Variants in TAF3 observed in about 807,000 individuals in gnomAD.
TAF3 encodes TATA-box binding protein associated factor 3.
TAF3 carries 7 observed loss-of-function variants against 80.6 expected under a neutral mutation model. The observed-to-expected ratio is 0.09, with a 90% CI of 0.05 to 0.16. The LOEUF is 0.16. Among genes scored for constraint, TAF3 ranks in the 10% least tolerant of loss-of-function variants. The pLI, the probability that TAF3 is intolerant of heterozygous loss-of-function variation, is 1.00. For missense variants in TAF3, 921 were observed against 1,140.2 expected (o/e 0.81, Z 2.77); for synonymous variants, 444 against 446.1 (o/e 1.00, Z 0.06).
chr10:7,963,557 AATC>A (rs1831533151), intron 2 of TAF3, among the ~76,000 whole-genome samples: 1 of 151,950 alleles, frequency 6.6e-6, no homozygotes, highest in Non-Finnish European at 1.5e-5. Flanking sequence ...TTTTTTTAGA[AATC>A]ATGTTTGAAC....
chr10:8,008,707 CCT>C (rs1230542879), intron 4 of TAF3, among the ~76,000 whole-genome samples: 2 of 152,024 alleles, frequency 1.3e-5, no homozygotes, highest in Non-Finnish European at 2.9e-5. Context: ...AGGAGCAGCC[CCT>C]GTCAGGCCCC....
intron 2 of TAF3, among the ~76,000 whole-genome samples, chr10:7,871,739 A>C (rs1467655723): frequency 1.3e-5 from 2 of 152,084 alleles, no homozygotes; most frequent in African/African-American, 4.8e-5. Flanking sequence ...CCACCGCGCC[A>C]GGCCAACGAT....
At chr10:7,852,059 T>A (rs1837032340) in intron 2 of TAF3, among the ~76,000 whole-genome samples, 1 of 151,972 alleles carries the variant, frequency 6.6e-6, no homozygotes, top group Non-Finnish European at 1.5e-5. Flanking sequence ...ACTGGGATTA[T>A]AAGTCTGAGC....
At chr10:7,888,815 C>G (rs1314815356) in intron 2 of TAF3, among the ~76,000 whole-genome samples, 1 of 152,234 alleles carries the variant, frequency 6.6e-6, no homozygotes, top group Non-Finnish European at 1.5e-5. Context: ...ATGACTGTCT[C>G]ATCTCACCTA....
intron 2 of TAF3, among the ~76,000 whole-genome samples, chr10:7,834,857 T>C (rs1836835997): frequency 6.6e-6 from 1 of 152,228 alleles, no homozygotes; most frequent in Non-Finnish European, 1.5e-5. Flanking sequence ...CAATTTTCTT[T>C]CATTTTACCG....
intron 2 of TAF3, among the ~76,000 whole-genome samples, chr10:7,836,090 C>T (rs940950398): frequency 3.3e-5 from 5 of 152,130 alleles, no homozygotes; most frequent in African/African-American, 1.2e-4. Context: ...GGCTCTCCTA[C>T]TGCTAAAACA....
chr10:7,961,946 C>A (rs1233492649), intron 2 of TAF3, among the ~76,000 whole-genome samples: 1 of 152,026 alleles, frequency 6.6e-6, no homozygotes, highest in African/African-American at 2.4e-5. Flanking sequence ...ACCTTCTGGG[C>A]TCAGGTGACC....
At chr10:7,867,724 C>G (rs907953599) in intron 2 of TAF3, among the ~76,000 whole-genome samples, 2 of 152,242 alleles carry the variant, frequency 1.3e-5, no homozygotes, top group East Asian at 3.9e-4. Flanking sequence ...CTTTGTTAGC[C>G]AAAATGAACA....
At chr10:7,862,221 G>C (rs762291477) in intron 2 of TAF3, among the ~76,000 whole-genome samples, 2 of 152,126 alleles carry the variant, frequency 1.3e-5, no homozygotes, top group African/African-American at 2.4e-5. Flanking sequence ...GCTCCTCTTA[G>C]TGATGGTCTC....
At chr10:7,927,875 C>T (rs2131194513) in intron 2 of TAF3, among the ~76,000 whole-genome samples, 1 of 152,260 alleles carries the variant, frequency 6.6e-6, no homozygotes, top group Admixed American at 6.5e-5. Context: ...AAGGAAGTTG[C>T]AGAAATAACG....
At chr10:7,829,584 T>G (rs1437264796) in intron 2 of TAF3, among the ~76,000 whole-genome samples, 2 of 152,196 alleles carry the variant, frequency 1.3e-5, no homozygotes, top group African/African-American at 2.4e-5. Context: ...ACTGGGGTTA[T>G]GAGATCTTGG....
At chr10:8,003,380 C>G (rs1027559373) in intron 4 of TAF3, among the ~76,000 whole-genome samples, 4 of 152,214 alleles carry the variant, frequency 2.6e-5, no homozygotes, top group African/African-American at 9.6e-5. Flanking sequence ...TACTTTAGCT[C>G]TGTTTACCCA....
At chr10:7,932,292 G>A (rs192140610) in intron 2 of TAF3, among the ~76,000 whole-genome samples, 184 of 152,238 alleles carry the variant, frequency 1.2e-3, no homozygotes, top group African/African-American at 4.2e-3. Context: ...TCTTTTCCCC[G>A]CTTCTTGGAA....
Position 8,004,867 on chromosome 10 carries a change from G to A in TAF3, c.2316-4211G>A, listed in dbSNP as rs952454247. Among the ~76,000 whole-genome samples, 5 of 152,042 alleles carry A rather than the reference G, an allele frequency of 3.3e-5. No individual in the cohort carries two copies. The South Asian group carries it at 6.2e-4, about 19-fold the overall frequency. On this transcript the variant is annotated intron_variant, in intron 4 of 6. Coordinates refer to ENST00000344293, the MANE Select transcript of TAF3 (RefSeq NM_031923.4). ...TCTCAGGTACTCTTTGTTAACATTC[G>A]TCTCTGCCCCATTTTTCTTCTAGAA...
chr10:7,951,735 T>G (rs1487878231), intron 2 of TAF3, among the ~76,000 whole-genome samples: 1 of 152,220 alleles, frequency 6.6e-6, no homozygotes, highest in East Asian at 1.9e-4. Context: ...CAAACTCATT[T>G]TTTACATACT....
intron 2 of TAF3, among the ~76,000 whole-genome samples, chr10:7,906,751 A>G (rs746273668): frequency 6.6e-5 from 10 of 151,200 alleles, no homozygotes; most frequent in Non-Finnish European, 1.3e-4. Flanking sequence ...ACCAATAGGC[A>G]CCTTATGCCT....
Position 7,878,308 on chromosome 10 carries a change from A to G in TAF3, c.409+53748A>G, listed in dbSNP as rs191254265. Among the ~76,000 whole-genome samples, 19 of 152,318 alleles carry G rather than the reference A, an allele frequency of 1.2e-4. No homozygotes were observed. The East Asian group carries it at 3.5e-3, about 28-fold the overall frequency. ...ATAGATTGTGAAATATTATATAGCA[A>G]TGAATAAAAGGCTCTCCAACTGCAC... On this transcript the variant is annotated intron_variant, in intron 2 of 6. Transcript: ENST00000344293.
intron 2 of TAF3, among the ~76,000 whole-genome samples, chr10:7,934,390 G>A (rs1001825316): frequency 4.6e-5 from 7 of 151,992 alleles, no homozygotes; most frequent in Non-Finnish European, 1.0e-4. Flanking sequence ...TAGGCATTCC[G>A]TCCTTATATA....
chr10:7,984,452 T>G (rs1326989142), intron 4 of TAF3, among the ~76,000 whole-genome samples: 1 of 152,202 alleles, frequency 6.6e-6, no homozygotes, highest in Non-Finnish European at 1.5e-5. Flanking sequence ...TCAGGAAAAT[T>G]TACTGGATTC....
Sources: allele counts gnomAD v4.1 joint callset (sites outside exome capture counted in the v4.1 genomes callset), GRCh38; gene constraint gnomAD v4.1.1; transcripts MANE v1.5; gene names NCBI Gene and HGNC (gene_info 2026-07-23, HGNC 2026-07-21).